FBXL17: variants seen among roughly 807,000 people sequenced by gnomAD.
FBXL17 encodes the protein F-box/LRR-repeat protein 17.
Under a neutral mutation model 66.2 loss-of-function variants are expected in FBXL17, and 22 were observed. The ratio of observed to expected loss-of-function variants is 0.33; its 90% CI spans 0.24 to 0.47. The LOEUF is 0.47. Among genes scored for constraint, FBXL17 ranks in the 20% least tolerant of loss-of-function variants. The pLI, the probability that FBXL17 is intolerant of heterozygous loss-of-function variation, is 1.00. For missense variants in FBXL17, 878 were observed against 948.2 expected, an observed-to-expected ratio of 0.93 and a Z score of 0.97; for synonymous variants, 474 against 400.5, an observed-to-expected ratio of 1.18 and a Z score of -2.19.
intron 6 of FBXL17, among the ~76,000 whole-genome samples, chr5:108,060,773 C>T (rs1467714057): frequency 6.6e-6 from 1 of 152,030 alleles, no homozygotes; most frequent in Non-Finnish European, 1.5e-5. Flanking sequence ...AACCAAACTT[C>T]CCAGAGTCCT....
chr5:108,109,697 C>T (rs961067512), intron 6 of FBXL17, among the ~76,000 whole-genome samples: 2 of 152,006 alleles, frequency 1.3e-5, no homozygotes, highest in Non-Finnish European at 1.5e-5. Context: ...GAATGGAATA[C>T]CAGTTAGTGC....
intron 7 of FBXL17, among the ~76,000 whole-genome samples, chr5:107,919,368 G>T (rs1190255848): frequency 6.6e-6 from 1 of 152,058 alleles, no homozygotes; most frequent in Admixed American, 6.6e-5. Context: ...CTGATGGATC[G>T]CAACAGCTTC....
intron 6 of FBXL17, among the ~76,000 whole-genome samples, chr5:108,070,433 C>T (rs1466103552): frequency 1.3e-5 from 2 of 152,176 alleles, no homozygotes; most frequent in African/African-American, 4.8e-5. Flanking sequence ...AACTAAATTG[C>T]TATAAAATGA....
intron 7 of FBXL17, among the ~76,000 whole-genome samples, chr5:107,971,424 T>C (rs959976992): frequency 6.6e-6 from 1 of 152,204 alleles, no homozygotes; most frequent in Non-Finnish European, 1.5e-5. Context: ...TTGTAGTATA[T>C]ATGTAGTTCT....
At chr5:107,908,428 A>G (rs1749833941) in intron 7 of FBXL17, among the ~76,000 whole-genome samples, 2 of 152,194 alleles carry the variant, frequency 1.3e-5, no homozygotes, top group Admixed American at 1.3e-4. Context: ...GAATAGGTTG[A>G]GTGGGAGACA....
Position 108,382,041 on chromosome 5 carries a change from G to A in FBXL17, c.-350C>T. 1.0e-6 allele frequency: 1 copy of A among 959,234 alleles called. No homozygotes were observed. The highest frequency in any genetic ancestry group is 4.3e-4 in the Middle Eastern group (1 of 2,310). 59.4% of individuals were successfully genotyped at this position (959,234 alleles called of 1,614,324 possible). A position where few individuals can be genotyped will look rare whatever the true frequency, so the allele number is the denominator to read the frequency against. On this transcript the variant is annotated 5_prime_UTR_variant, in exon 1 of 9. Coordinates refer to ENST00000542267, the MANE Select transcript of FBXL17 (RefSeq NM_001163315.3). ...AGCGGAGCGGCCGGGGAAAGGCCGG[G>A]TCCCGCTCGGACCATTTTAACTGCG...
In FBXL17 at chr5:107,861,740, T is replaced by A. The variant is rs752550566; in HGVS notation, c.2086A>T (p.Met696Leu). The change falls in exon 9 of 9, where the codon ATG becomes TTG. Residue 696 changes from methionine to leucine, a missense_variant. This residue lies in a region of FBXL17 where 31 missense variants were observed against 27.0 expected (regional missense o/e 1.15). Transcript: ENST00000542267. ...RAYQMGWTPN[M>L]SAASS ...GAGCGCTAGGAGGAGGCGGCAGACA[T>A]GTTGGGGGTCCAGCCCATCTGATAG... 7 of 1,580,306 alleles carry A rather than the reference T, an allele frequency of 4.4e-6. No individual in the cohort carries two copies. The highest frequency in any genetic ancestry group is 6.0e-6 in the Non-Finnish European group (7 of 1,160,550).
intron 6 of FBXL17, among the ~76,000 whole-genome samples, chr5:108,060,703 A>G (rs574166857): frequency 3.3e-5 from 5 of 152,144 alleles, no homozygotes; most frequent in Middle Eastern, 3.4e-3. Context: ...CCTGGTTTTA[A>G]CTTTTCTCAT....
At chr5:108,004,943 A>G (rs1753867513) in intron 7 of FBXL17, among the ~76,000 whole-genome samples, 1 of 152,198 alleles carries the variant, frequency 6.6e-6, no homozygotes, top group African/African-American at 2.4e-5. Context: ...AAGAAATTAG[A>G]TAATAGAAAT....
At chr5:108,300,388 T>C (rs1049927887) in intron 4 of FBXL17, among the ~76,000 whole-genome samples, 3 of 151,958 alleles carry the variant, frequency 2.0e-5, no homozygotes, top group Non-Finnish European at 2.9e-5. Flanking sequence ...ATAACATTTA[T>C]TATTTTTTCC....
intron 6 of FBXL17, among the ~76,000 whole-genome samples, chr5:108,047,344 G>A (rs1245279544): frequency 2.0e-5 from 3 of 152,170 alleles, no homozygotes; most frequent in African/African-American, 7.2e-5. Flanking sequence ...CCTACACCAC[G>A]GGGACCTAGG....
rs57472813 is a variant in FBXL17, at chr5:107,980,664, A to ATTTTTTTTTTTTTTTTTTTTT, written c.1822+40260_1822+40261insAAAAAAAAAAAAAAAAAAAAA. 1.5e-4 allele frequency among the ~76,000 whole-genome samples: 9 copies of ATTTTTTTTTTTTTTTTTTTTT among 62,062 alleles called. 1 individual carries two copies. Among genetic ancestry groups the ATTTTTTTTTTTTTTTTTTTTT allele is most frequent in the African/African-American group, 9.2e-4 (9 of 9,750 alleles). The allele number at this position is 62,062 out of a possible 152,430, so 40.7% of individuals were successfully genotyped here. A position where few individuals can be genotyped will look rare whatever the true frequency, so the allele number is the denominator to read the frequency against. On this transcript the variant is annotated intron_variant, in intron 7 of 8. Coordinates refer to ENST00000542267, the MANE Select transcript of FBXL17 (RefSeq NM_001163315.3). ...TAAAATAATATATATATATATATAT[A>ATTTTTTTTTTTTTTTTTTTTT]TTTTTTTTTTGAGATGGAGTCTTGC...
At chr5:108,162,502 A>G (rs992297055) in intron 6 of FBXL17, among the ~76,000 whole-genome samples, 1 of 152,152 alleles carries the variant, frequency 6.6e-6, no homozygotes, top group Non-Finnish European at 1.5e-5. Context: ...AAAAACAAAC[A>G]AACAAACATA....
intron 7 of FBXL17, among the ~76,000 whole-genome samples, chr5:107,893,505 A>T (rs1749269735): frequency 6.6e-6 from 1 of 152,234 alleles, no homozygotes; most frequent in South Asian, 2.1e-4. Context: ...TGTAAAAACA[A>T]GATACTGTTG....
intron 6 of FBXL17, among the ~76,000 whole-genome samples, chr5:108,025,704 AACACAC>A (rs142809932): frequency 1.6e-5 from 2 of 123,396 alleles, no homozygotes; most frequent in Non-Finnish European, 3.1e-5. Context: ...CACACACACA[AACACAC>A]ACACACACGC....
At chr5:107,974,254 T>A (rs952771676) in intron 7 of FBXL17, among the ~76,000 whole-genome samples, 2 of 152,144 alleles carry the variant, frequency 1.3e-5, no homozygotes, top group African/African-American at 4.8e-5. Flanking sequence ...GTGACTGTGA[T>A]AGTCAACAAC....
intron 7 of FBXL17, among the ~76,000 whole-genome samples, chr5:107,987,264 A>G (rs929917334): frequency 6.7e-6 from 1 of 149,262 alleles, no homozygotes; most frequent in Admixed American, 6.7e-5. Flanking sequence ...AGTAGTATGG[A>G]TTTTCAGCTT....
At chr5:108,163,540 A>C (rs1001489038) in intron 6 of FBXL17, among the ~76,000 whole-genome samples, 1 of 151,892 alleles carries the variant, frequency 6.6e-6, no homozygotes, top group Non-Finnish European at 1.5e-5. Context: ...AGCGGGGACT[A>C]CAGGCGTCCG....
At chr5:108,013,594 T>A (rs918831571) in intron 7 of FBXL17, among the ~76,000 whole-genome samples, 1 of 152,194 alleles carries the variant, frequency 6.6e-6, no homozygotes, top group East Asian at 1.9e-4. Flanking sequence ...CAGAAAATTT[T>A]ACATGGTTTC....
Sources: allele counts gnomAD v4.1 joint callset (sites outside exome capture counted in the v4.1 genomes callset), GRCh38; gene constraint gnomAD v4.1.1; regional missense constraint gnomAD v4.1.1; transcripts MANE v1.5; gene names NCBI Gene and HGNC (gene_info 2026-07-23, HGNC 2026-07-21).